Variants in PPP2R5E observed in about 807,000 individuals in gnomAD.
PPP2R5E encodes the protein protein phosphatase 2 regulatory subunit B'epsilon.
In PPP2R5E, 4 loss-of-function variants were observed where a neutral mutation model predicts 65.3. The ratio of observed to expected loss-of-function variants is 0.06; its 90% CI spans 0.03 to 0.14. The LOEUF is 0.14. Among genes scored for constraint, PPP2R5E ranks in the 10% least tolerant of loss-of-function variants. The pLI, the probability that PPP2R5E is intolerant of heterozygous loss-of-function variation, is 1.00. For missense variants in PPP2R5E, 274 were observed against 556.1 expected (o/e 0.49, Z 5.10); for synonymous variants, 183 against 187.4 (o/e 0.98, Z 0.19).
chr14:63,422,160 G>GGAGC lies in PPP2R5E; in HGVS notation c.355-70_355-67dup, dbSNP rs543703702. 3.0e-4 allele frequency: 400 copies of GGAGC among 1,324,474 alleles called. 4 individuals are homozygous for GGAGC. In the South Asian group the frequency reaches 4.5e-3, roughly 15 times the overall value. 82.0% of individuals were successfully genotyped at this position (1,324,474 alleles called of 1,614,324 possible). A position where few individuals can be genotyped will look rare whatever the true frequency, so the allele number is the denominator to read the frequency against. On this transcript the variant is annotated intron_variant, in intron 3 of 13. Coordinates refer to ENST00000337537, the MANE Select transcript of PPP2R5E (RefSeq NM_006246.5). ...CTGCACAGTTTTACACAAGGTCCTT[G>GGAGC]GAGCCAAGCTGAGGGGAACCCAGAT... is the stretch of plus-strand genomic sequence containing the variant.
At chr14:63,440,889 C>A (rs1482547180) in intron 3 of PPP2R5E, among the ~76,000 whole-genome samples, 1 of 145,194 alleles carries the variant, frequency 6.9e-6, no homozygotes, top group Non-Finnish European at 1.5e-5. Context: ...GCGGAGCTTG[C>A]AGTGAGCCGA....
chr14:63,464,030 C>T (rs527599709), intron 2 of PPP2R5E, among the ~76,000 whole-genome samples: 13 of 152,124 alleles, frequency 8.5e-5, no homozygotes, highest in South Asian at 6.2e-4. Context: ...CAAAATAACC[C>T]GAAAATTTTG....
chr14:63,536,281 G>A (rs1227615613), intron 2 of PPP2R5E, among the ~76,000 whole-genome samples: 1 of 152,136 alleles, frequency 6.6e-6, no homozygotes, highest in Non-Finnish European at 1.5e-5. Context: ...AGGAAAAGAT[G>A]CTCAACATCA....
chr14:63,490,349 TATC>T (rs1404423463), intron 2 of PPP2R5E, among the ~76,000 whole-genome samples: 4 of 151,960 alleles, frequency 2.6e-5, no homozygotes, highest in Non-Finnish European at 5.9e-5. Flanking sequence ...ACGTAGGAAA[TATC>T]ATTCTGGAAT....
intron 5 of PPP2R5E, among the ~76,000 whole-genome samples, chr14:63,414,318 C>G (rs958105635): frequency 6.6e-6 from 1 of 152,142 alleles, no homozygotes; most frequent in Non-Finnish European, 1.5e-5. Flanking sequence ...GGGTCTTGCT[C>G]TTTTGCCCAG....
Position 63,485,555 on chromosome 14 carries a change from C to T in PPP2R5E, c.158-31670G>A, listed in dbSNP as rs539166192. Among the ~76,000 whole-genome samples the T allele has an allele frequency of 4.9e-4, 74 of 152,186 alleles. 1 individual carries two copies. The highest frequency in any genetic ancestry group is 3.9e-4 in the East Asian group (2 of 5,174). On this transcript the variant is annotated intron_variant, in intron 2 of 13. Coordinates refer to ENST00000337537, the MANE Select transcript of PPP2R5E (RefSeq NM_006246.5). ...TCGGCCTCCCGAGTAGCTGGGATTA[C>T]AGGCATGTGCCACCACGTCCGGCTA...
At chr14:63,458,220 G>C (rs906103268) in intron 2 of PPP2R5E, among the ~76,000 whole-genome samples, 15 of 152,184 alleles carry the variant, frequency 9.9e-5, no homozygotes, top group Non-Finnish European at 1.9e-4. Flanking sequence ...ATACAGTTTA[G>C]CTCTTGCTGG....
chr14:63,526,512 G>GTCTCTCTT (rs889184476), intron 2 of PPP2R5E, among the ~76,000 whole-genome samples: 3 of 151,938 alleles, frequency 2.0e-5, no homozygotes, highest in Non-Finnish European at 4.4e-5. Context: ...CTGTCTCTCT[G>GTCTCTCTT]TCTCTCTTTC....
At chr14:63,446,177 GC>G (rs753171556) in intron 3 of PPP2R5E, among the ~76,000 whole-genome samples, 2 of 152,238 alleles carry the variant, frequency 1.3e-5, no homozygotes, top group Non-Finnish European at 2.9e-5. Flanking sequence ...AAATCTTCAG[GC>G]TCTACTTCTC....
chr14:63,422,729 T>TTAAAAA (rs1448115162), intron 3 of PPP2R5E, among the ~76,000 whole-genome samples: 22 of 88,242 alleles, frequency 2.5e-4, no homozygotes, highest in African/African-American at 8.7e-4. Flanking sequence ...TCCGTCTATT[T>TTAAAAA]AAAAAAAAAA....
chr14:63,522,804 G>A (rs1215512255), intron 2 of PPP2R5E, among the ~76,000 whole-genome samples: 11 of 151,420 alleles, frequency 7.3e-5, no homozygotes, highest in African/African-American at 2.7e-4. Flanking sequence ...CCCCGTCCAG[G>A]AAGGAGGTGG....
chr14:63,511,174 G>C (rs1892437618), intron 2 of PPP2R5E, among the ~76,000 whole-genome samples: 1 of 152,162 alleles, frequency 6.6e-6, no homozygotes, highest in Admixed American at 6.5e-5. Flanking sequence ...ACTCACTTTG[G>C]CCAATGGGAC....
At chr14:63,392,142 C>T (rs1885059165) in intron 8 of PPP2R5E, 117 bp from the exon 9 acceptor site, 1 of 646,660 alleles carries the variant, frequency 1.5e-6, no homozygotes, top group African/African-American at 1.9e-5. Flanking sequence ...ACTTCACATT[C>T]AATTCATTTT....
At position 63,453,640 on chromosome 14, in the gene PPP2R5E, C is replaced by G. The variant is rs773097092; in HGVS notation, c.354+49G>C. The G allele has an allele frequency of 2.6e-6, 4 of 1,561,876 alleles. No individual in the cohort carries two copies. In the South Asian group the frequency reaches 4.6e-5, roughly 18 times the overall value. ...TCTTGCAATATATACACCTGTGAGT[C>G]ACTATGGAAGATGCTTAAAAGTGTC... On this transcript the variant is annotated intron_variant, in intron 3 of 13. Coordinates refer to ENST00000337537, the MANE Select transcript of PPP2R5E (RefSeq NM_006246.5).
chr14:63,488,413 G>T (rs1891106321), intron 2 of PPP2R5E, among the ~76,000 whole-genome samples: 2 of 152,004 alleles, frequency 1.3e-5, no homozygotes, highest in Admixed American at 6.6e-5. Context: ...ATGTTGCCCA[G>T]ACTAGTCTCA....
intron 3 of PPP2R5E, among the ~76,000 whole-genome samples, chr14:63,447,097 A>G (rs1888522210): frequency 6.6e-6 from 1 of 152,204 alleles, no homozygotes; most frequent in Non-Finnish European, 1.5e-5. Flanking sequence ...TAGACGCCCT[A>G]AGATTTTCAG....
At chr14:63,494,462 T>C (rs1416203760) in intron 2 of PPP2R5E, among the ~76,000 whole-genome samples, 1 of 151,674 alleles carries the variant, frequency 6.6e-6, no homozygotes, top group Non-Finnish European at 1.5e-5. Context: ...CTTGAACTCC[T>C]GACTTCAGGT....
chr14:63,484,414 A>G (rs183980903), intron 2 of PPP2R5E, among the ~76,000 whole-genome samples: 1 of 152,078 alleles, frequency 6.6e-6, no homozygotes, highest in African/African-American at 2.4e-5. Flanking sequence ...GTAAAGAAGA[A>G]CACCAAGGAC....
At chr14:63,443,460 G>C (rs919640832) in intron 3 of PPP2R5E, among the ~76,000 whole-genome samples, 1 of 152,076 alleles carries the variant, frequency 6.6e-6, no homozygotes, top group African/African-American at 2.4e-5. Context: ...CTCTAATGAA[G>C]ACAGTACACC....
Sources: allele counts gnomAD v4.1 joint callset (sites outside exome capture counted in the v4.1 genomes callset), GRCh38; gene constraint gnomAD v4.1.1; transcripts MANE v1.5; gene names NCBI Gene and HGNC (gene_info 2026-07-23, HGNC 2026-07-21).